The following SMIM36 variants were observed in gnomAD, a reference collection of about 807,000 sequenced individuals.
SMIM36 encodes the protein small integral membrane protein 36.
intron 1 of SMIM36, among the ~76,000 whole-genome samples, chr17:55,508,742 G>A (rs1426606043): frequency 1.3e-5 from 2 of 151,686 alleles, no homozygotes; most frequent in Admixed American, 6.6e-5. Context: ...GGCTAACATG[G>A]TGAAACCCCG....
the SMIM36 span, among the ~76,000 whole-genome samples, chr17:55,524,035 A>G: frequency 1.6e-4 from 24 of 152,076 alleles, no homozygotes; most frequent in Non-Finnish European, 2.5e-4. Context: ...TACTAACCTT[A>G]GTACCTAATA....
At chr17:55,492,242 C>CTTTTTTTTTTTTTTTTTTTTTTTTT (rs770501215) in intron 1 of SMIM36, among the ~76,000 whole-genome samples, 8 of 111,286 alleles carry the variant, frequency 7.2e-5, no homozygotes, top group Non-Finnish European at 1.2e-4. Context: ...TTCTTTCTTT[C>CTTTTTTTTTTTTTTTTTTTTTTTTT]TTTTTTTTTT....
intron 1 of SMIM36, among the ~76,000 whole-genome samples, chr17:55,508,944 A>AG (rs1463585303): frequency 6.6e-6 from 1 of 151,868 alleles, no homozygotes; most frequent in Non-Finnish European, 1.5e-5. Context: ...AAAAAAAAAA[A>AG]AAAAAAGTGA....
At position 55,450,537 on chromosome 17, in the gene SMIM36, T is replaced by C. The variant is rs558646889; in HGVS notation, c.*532-239A>G. On this transcript the variant is annotated intron_variant, in intron 4 of 4. Transcript: ENST00000636752. The stretch of plus-strand genomic sequence containing the variant: ...TGCAAGTAGATCACTTAGTCTCCTT[T>C]GGTTTCATTTCACAGAGAACATGGT... Among the ~76,000 whole-genome samples, 10 of 152,328 alleles carry C rather than the reference T, an allele frequency of 6.6e-5. No individual in the cohort carries two copies. In the South Asian group the frequency reaches 1.7e-3, roughly 25 times the overall value.
At chr17:55,504,055 G>T (rs1382690288) in intron 1 of SMIM36, among the ~76,000 whole-genome samples, 2 of 99,486 alleles carry the variant, frequency 2.0e-5, no homozygotes, top group African/African-American at 5.2e-5. Flanking sequence ...CCCAATACAG[G>T]AGCACCCAGA....
At chr17:55,502,917 C>T (rs1318354144) in intron 1 of SMIM36, among the ~76,000 whole-genome samples, 108 of 146,344 alleles carry the variant, frequency 7.4e-4, no homozygotes, top group African/African-American at 2.5e-3. Context: ...TCGAGAACTA[C>T]GTGAAGAATG....
upstream of SMIM36, among the ~76,000 whole-genome samples, chr17:55,512,052 G>T (rs716392): frequency 0.65 from 99,440 of 152,020 alleles, 33,432 homozygotes; most frequent in African/African-American, 0.8. Context: ...CGCCATTTAA[G>T]AACAGTGGAA....
At chr17:55,497,229 A>AT (rs1053702571) in intron 1 of SMIM36, among the ~76,000 whole-genome samples, 1 of 151,766 alleles carries the variant, frequency 6.6e-6, no homozygotes, top group African/African-American at 2.4e-5. Context: ...TCTACTAAGG[A>AT]TTTTTTCTTC....
intron 4 of SMIM36, among the ~76,000 whole-genome samples, chr17:55,452,102 CAAA>C (rs1156887430): frequency 3.9e-5 from 2 of 51,754 alleles, no homozygotes; most frequent in African/African-American, 1.6e-4. Flanking sequence ...TCAATCTCTA[CAAA>C]AAAAAAAAAA....
At chr17:55,480,829 C>G (rs1258975545) in intron 1 of SMIM36, among the ~76,000 whole-genome samples, 1 of 152,158 alleles carries the variant, frequency 6.6e-6, no homozygotes, top group Non-Finnish European at 1.5e-5. Flanking sequence ...GTCTGTACAA[C>G]AGCAGGGGCA....
rs898097939 is a variant in SMIM36 at position 55,508,473 on chromosome 17, C to A, written c.*174+2406G>T. Among the ~76,000 whole-genome samples, 173 of 100,384 alleles carry A rather than the reference C, an allele frequency of 1.7e-3. 2 individuals are homozygous for A. Among genetic ancestry groups the A allele is most frequent in the African/African-American group, 7.6e-3 (160 of 21,064 alleles). 65.9% of individuals were successfully genotyped at this position (100,384 alleles called of 152,430 possible). ...ATATATATATATATATATATATGAA[C>A]CTGCCCTTTTCTTAATGTGAGCTTC... On this transcript the variant is annotated intron_variant, in intron 1 of 4. Coordinates refer to ENST00000636752, the Ensembl canonical transcript of SMIM36.
chr17:55,453,250 G>A (rs906408085), intron 4 of SMIM36, among the ~76,000 whole-genome samples: 24 of 151,640 alleles, frequency 1.6e-4, no homozygotes, highest in Non-Finnish European at 2.8e-4. Flanking sequence ...CCAGGAGTTT[G>A]AGGCTGCAGT....
chr17:55,459,134 C>T (rs1000196151), intron 4 of SMIM36, among the ~76,000 whole-genome samples: 3 of 152,178 alleles, frequency 2.0e-5, no homozygotes, highest in African/African-American at 7.2e-5. Flanking sequence ...TGTATGCTTC[C>T]CTAGAGGTTT....
chr17:55,496,853 G>T (rs1050799810), intron 1 of SMIM36, among the ~76,000 whole-genome samples: 7 of 152,160 alleles, frequency 4.6e-5, no homozygotes, highest in Non-Finnish European at 8.8e-5. Flanking sequence ...TAAAAGTCAG[G>T]ATCCCTGGAT....
At chr17:55,530,008 G>T in the SMIM36 span, among the ~76,000 whole-genome samples, 1 of 152,194 alleles carries the variant, frequency 6.6e-6, no homozygotes, top group South Asian at 2.1e-4. Context: ...CTTTGGGGAT[G>T]ATGTGTTTAA....
intron 1 of SMIM36, among the ~76,000 whole-genome samples, chr17:55,509,257 A>G (rs926189218): frequency 2.0e-5 from 3 of 152,154 alleles, no homozygotes; most frequent in Non-Finnish European, 4.4e-5. Flanking sequence ...TTTTCTTCAC[A>G]TGTTGGACAC....
chr17:55,526,712 C>T, the SMIM36 span, among the ~76,000 whole-genome samples: 3 of 152,122 alleles, frequency 2.0e-5, no homozygotes, highest in Non-Finnish European at 4.4e-5. Flanking sequence ...CTTTATATCA[C>T]CAGTGACATT....
chr17:55,530,062 G>A, the SMIM36 span, among the ~76,000 whole-genome samples: 2 of 152,180 alleles, frequency 1.3e-5, no homozygotes, highest in Admixed American at 6.5e-5. Context: ...CTCCTCCTAA[G>A]CCCTAGCGAG....
intron 4 of SMIM36, among the ~76,000 whole-genome samples, chr17:55,464,013 G>A (rs1218817355): frequency 6.6e-6 from 1 of 151,956 alleles, no homozygotes; most frequent in Admixed American, 6.6e-5. Context: ...TACTCGAGAG[G>A]CTGAGGCATG....
Sources: allele counts gnomAD v4.1 joint callset (sites outside exome capture counted in the v4.1 genomes callset), GRCh38; gene constraint gnomAD v4.1.1; transcripts MANE v1.5; gene names NCBI Gene and HGNC (gene_info 2026-07-23, HGNC 2026-07-21).